CHST9: variants seen among roughly 807,000 people sequenced by gnomAD.
CHST9 encodes the protein carbohydrate sulfotransferase 9.
In CHST9, 41 loss-of-function variants were observed where a neutral mutation model predicts 44.4. The observed-to-expected ratio is 0.92, with a 90% CI of 0.72 to 1.20. The LOEUF is 1.20. Ranked by LOEUF, CHST9 falls within the 50% of genes most tolerant of loss-of-function variation. The probability of loss-of-function intolerance (pLI) is 0.00; values close to 1 mark genes in which losing one functional copy is unlikely to be tolerated. For missense variants in CHST9, 504 were observed against 516.5 expected, an observed-to-expected ratio of 0.98 and a Z score of 0.23; for synonymous variants, 171 against 178.4, an observed-to-expected ratio of 0.96 and a Z score of 0.33.
chr18:27,149,371 T>G (rs2143892377), intron 1 of CHST9, among the ~76,000 whole-genome samples: 1 of 152,258 alleles, frequency 6.6e-6, no homozygotes, highest in South Asian at 2.1e-4. Flanking sequence ...AAGGACATGA[T>G]CTCATTCTTT....
chr18:27,053,195 AAAGAACAAGAAG>A, intron 2 of CHST9, among the ~76,000 whole-genome samples: 1 of 114,714 alleles, frequency 8.7e-6, no homozygotes, highest in East Asian at 2.7e-4. Flanking sequence ...GAAGAAGAAG[AAAGAACAAGAAG>A]AGGAGGAAGA....
At chr18:27,162,120 T>G (rs2058752291) in intron 1 of CHST9, among the ~76,000 whole-genome samples, 1 of 152,236 alleles carries the variant, frequency 6.6e-6, no homozygotes, top group Non-Finnish European at 1.5e-5. Context: ...TTAAGATTAA[T>G]ATTGTTATGT....
chr18:27,133,920 A>G (rs2143843442), intron 2 of CHST9, among the ~76,000 whole-genome samples: 1 of 152,326 alleles, frequency 6.6e-6, no homozygotes, highest in Non-Finnish European at 1.5e-5. Context: ...GCATGTGCTC[A>G]TTTGATTAAA....
In CHST9 at chr18:26,914,241, A is replaced by C. The variant is rs1036364745; in HGVS notation, c.*2018T>G. ...TAAGAGAGGTAGGACTGTTGTTTCCATTTTTTTCCTTCTAAAGCTATTGAA... is the reference window on the plus strand; with the variant it reads ...TAAGAGAGGTAGGACTGTTGTTTCCCTTTTTTTCCTTCTAAAGCTATTGAA... On this transcript the variant is annotated 3_prime_UTR_variant, in exon 6 of 6. Coordinates refer to ENST00000618847, the MANE Select transcript of CHST9 (RefSeq NM_031422.6). 6.6e-6 allele frequency: 1 copy of C among 151,920 alleles called. No individual in the cohort carries two copies. Among genetic ancestry groups the C allele is most frequent in the African/African-American group, 2.4e-5 (1 of 41,356 alleles). 9.4% of individuals were successfully genotyped at this position (151,920 alleles called of 1,614,324 possible).
At chr18:27,101,122 C>G (rs148349861) in intron 2 of CHST9, among the ~76,000 whole-genome samples, 1 of 152,302 alleles carries the variant, frequency 6.6e-6, no homozygotes, top group African/African-American at 2.4e-5. Context: ...TTTATTAACA[C>G]AGGAATCTAA....
intron 3 of CHST9, among the ~76,000 whole-genome samples, chr18:27,027,511 CT>C (rs2057295764): frequency 6.6e-6 from 1 of 152,192 alleles, no homozygotes; most frequent in Non-Finnish European, 1.5e-5. Context: ...TTGGTCTCAC[CT>C]TGCCTTTTGT....
intron 4 of CHST9, among the ~76,000 whole-genome samples, chr18:26,949,481 A>G (rs548474601): frequency 2.0e-5 from 3 of 152,194 alleles, no homozygotes; most frequent in Admixed American, 6.5e-5. Flanking sequence ...TGAATTCAAG[A>G]CAGTCCTAGA....
At chr18:26,937,989 T>C (rs1438324095) in intron 5 of CHST9, among the ~76,000 whole-genome samples, 1 of 152,160 alleles carries the variant, frequency 6.6e-6, no homozygotes, top group African/African-American at 2.4e-5. Flanking sequence ...ATTAGCACAA[T>C]TATTGATGGC....
chr18:27,064,065 T>A (rs1468408660), intron 2 of CHST9, among the ~76,000 whole-genome samples: 1 of 152,124 alleles, frequency 6.6e-6, no homozygotes, highest in African/African-American at 2.4e-5. Context: ...ACTTTTTTTT[T>A]AAGCTCTGTT....
At chr18:27,034,739 C>A (rs571345102) in intron 3 of CHST9, among the ~76,000 whole-genome samples, 2 of 152,196 alleles carry the variant, frequency 1.3e-5, no homozygotes, top group Admixed American at 1.3e-4. Flanking sequence ...TCAAATGCCT[C>A]CTCCTCAGAG....
At chr18:27,049,586 C>A (rs2057542291) in intron 2 of CHST9, among the ~76,000 whole-genome samples, 1 of 152,006 alleles carries the variant, frequency 6.6e-6, no homozygotes, top group Non-Finnish European at 1.5e-5. Context: ...CAGCATCAGA[C>A]AAATCATCGA....
At chr18:27,039,064 G>A (rs926275542) in intron 3 of CHST9, among the ~76,000 whole-genome samples, 1 of 152,138 alleles carries the variant, frequency 6.6e-6, no homozygotes. Context: ...ACACCAACAA[G>A]TAAATAATGA....
In CHST9 at chr18:27,082,469, C is replaced by A. The variant is rs796723182; in HGVS notation, c.122-33966G>T. Among the ~76,000 whole-genome samples, 35 of 152,282 alleles carry A rather than the reference C, an allele frequency of 2.3e-4. 2 individuals carry two copies. The highest frequency in any genetic ancestry group is 8.2e-4 in the African/African-American group (34 of 41,552). On this transcript the variant is annotated intron_variant, in intron 2 of 5. Coordinates refer to ENST00000618847, the MANE Select transcript of CHST9 (RefSeq NM_031422.6). ...CCACAAGTGAGTTTTATGACAATGA[C>A]CATCCACCTGGCCCATCAATCTTTT...
chr18:27,013,457 A>C (rs2057109162), intron 4 of CHST9, among the ~76,000 whole-genome samples: 1 of 152,206 alleles, frequency 6.6e-6, no homozygotes, highest in East Asian at 1.9e-4. Flanking sequence ...TAATTAAACA[A>C]ACAAGAAAGC....
chr18:27,074,464 G>T (rs910894016), intron 2 of CHST9, among the ~76,000 whole-genome samples: 1 of 152,078 alleles, frequency 6.6e-6, no homozygotes, highest in Non-Finnish European at 1.5e-5. Flanking sequence ...AGGGGTAAAA[G>T]GTTTGTGTGT....
intron 4 of CHST9, among the ~76,000 whole-genome samples, chr18:26,981,904 C>G (rs1200538443): frequency 6.6e-6 from 1 of 152,176 alleles, no homozygotes; most frequent in African/African-American, 2.4e-5. Flanking sequence ...TATCAGCTCT[C>G]TCGATCAGCT....
chr18:27,057,314 C>A (rs187690552), intron 2 of CHST9, among the ~76,000 whole-genome samples: 10 of 152,112 alleles, frequency 6.6e-5, no homozygotes, highest in Non-Finnish European at 1.3e-4. Context: ...TTTAACTGGG[C>A]CAATTTGAAA....
intron 2 of CHST9, among the ~76,000 whole-genome samples, chr18:27,061,297 A>T (rs2057718827): frequency 6.6e-6 from 1 of 152,216 alleles, no homozygotes; most frequent in African/African-American, 2.4e-5. Context: ...GTTTTTGGTT[A>T]CTTGTAGCTG....
chr18:27,001,512 G>A (rs2063162760), intron 4 of CHST9, among the ~76,000 whole-genome samples: 2 of 152,158 alleles, frequency 1.3e-5, no homozygotes, highest in South Asian at 4.1e-4. Context: ...ATTTGGATGT[G>A]GAACTAGTTA....
Sources: allele counts gnomAD v4.1 joint callset (sites outside exome capture counted in the v4.1 genomes callset), GRCh38; gene constraint gnomAD v4.1.1; transcripts MANE v1.5; gene names NCBI Gene and HGNC (gene_info 2026-07-23, HGNC 2026-07-21).